The following NEO1 variants were observed in gnomAD, a reference collection of about 807,000 sequenced individuals.
NEO1 encodes neogenin.
In NEO1, 63 loss-of-function variants were observed where a neutral mutation model predicts 159.7. The ratio of observed to expected loss-of-function variants is 0.39; its 90% CI spans 0.32 to 0.49. The LOEUF (loss-of-function observed/expected upper bound fraction) is 0.49, where lower values mean the gene tolerates loss of function less well. Ranked by LOEUF, NEO1 falls within the 20% of genes least tolerant of loss-of-function variation. The probability of loss-of-function intolerance (pLI) is 0.85; values close to 1 mark genes in which losing one functional copy is unlikely to be tolerated. For missense variants in NEO1, 1,615 were observed against 1,831.0 expected, an observed-to-expected ratio of 0.88 and a Z score of 2.15; for synonymous variants, 633 against 662.0, an observed-to-expected ratio of 0.96 and a Z score of 0.67.
intron 27 of NEO1, among the ~76,000 whole-genome samples, chr15:73,298,904 A>T (rs941041451): frequency 1.3e-5 from 2 of 152,164 alleles, no homozygotes; most frequent in African/African-American, 4.8e-5. Flanking sequence ...ATGGCATGGG[A>T]ATGGATAGCA....
intron 7 of NEO1, among the ~76,000 whole-genome samples, chr15:73,233,127 CT>C (rs2038998480): frequency 6.6e-6 from 1 of 152,118 alleles, no homozygotes; most frequent in African/African-American, 2.4e-5. Context: ...TGTAACTTAA[CT>C]GCCTGTTTGA....
chr15:73,301,155 G>A (rs561080036), intron 27 of NEO1, among the ~76,000 whole-genome samples, 166 bp from the exon 28 acceptor site: 39 of 152,308 alleles, frequency 2.6e-4, no homozygotes, highest in Middle Eastern at 3.4e-3. Context: ...TGAATGCCCT[G>A]CTATCTCCCT....
chr15:73,292,973 A>C (rs2042214769), intron 25 of NEO1, among the ~76,000 whole-genome samples: 3 of 152,262 alleles, frequency 2.0e-5, no homozygotes, highest in African/African-American at 7.2e-5. Context: ...ACAAAATAGA[A>C]AATTTATGTG....
chr15:73,127,893 A>G (rs1327292422), intron 4 of NEO1, among the ~76,000 whole-genome samples: 1 of 152,234 alleles, frequency 6.6e-6, no homozygotes, highest in Non-Finnish European at 1.5e-5. Context: ...ACATGTGACT[A>G]GTGGCTATTG....
At chr15:73,086,406 C>T (rs1342696028) in intron 1 of NEO1, among the ~76,000 whole-genome samples, 1 of 151,972 alleles carries the variant, frequency 6.6e-6, no homozygotes, top group Non-Finnish European at 1.5e-5. Context: ...TTTAGCTATT[C>T]TACTTTCTTT....
At chr15:73,184,242 G>A (rs1335575825) in intron 7 of NEO1, among the ~76,000 whole-genome samples, 2 of 152,022 alleles carry the variant, frequency 1.3e-5, no homozygotes, top group African/African-American at 4.8e-5. Context: ...TGCAGCCTCC[G>A]CCTCCCGGGT....
chr15:73,083,583 C>T (rs1195486907), intron 1 of NEO1, among the ~76,000 whole-genome samples: 4 of 152,112 alleles, frequency 2.6e-5, no homozygotes, highest in African/African-American at 9.7e-5. Context: ...CACTCAGTCC[C>T]ATTTCCCTTG....
rs758166046 is a variant in NEO1 at position 73,270,148 on chromosome 15, C to T, written c.2633C>T (p.Ser878Leu). Residue 878 changes from serine (S) to leucine (L), a missense_variant, in exon 17 of 29, where the codon TCG becomes TTG. Transcript: ENST00000261908. ...ATCAGGATTACGTGGGCAGACAACTCGCTGCCCAAGCACCAGAAGATTACA... is the reference window on the plus strand; with the variant it reads ...ATCAGGATTACGTGGGCAGACAACTTGCTGCCCAAGCACCAGAAGATTACA... ...DTIRITWADN[S>L]LPKHQKITDS... The T allele has an allele frequency of 1.8e-5, 29 of 1,614,026 alleles. 1 individual carries two copies. Among genetic ancestry groups the T allele is most frequent in the South Asian group, 6.6e-5 (6 of 91,084 alleles).
At chr15:73,136,210 T>A (rs953892865) in intron 5 of NEO1, among the ~76,000 whole-genome samples, 183 bp downstream of exon 5, 2 of 152,162 alleles carry the variant, frequency 1.3e-5, no homozygotes, top group African/African-American at 4.8e-5. Flanking sequence ...TATAGGAAAC[T>A]TATTTAATTT....
At chr15:73,146,620 A>C (rs548111014) in intron 5 of NEO1, among the ~76,000 whole-genome samples, 1 of 152,282 alleles carries the variant, frequency 6.6e-6, no homozygotes, top group South Asian at 2.1e-4. Flanking sequence ...CCTAATAGTT[A>C]TGTAAATTTA....
At chr15:73,272,968 CAA>C (rs56162211) in intron 19 of NEO1, among the ~76,000 whole-genome samples, 1,124 of 86,586 alleles carry the variant, frequency 0.013, 5 homozygotes, top group Middle Eastern at 0.036. Context: ...CCTGAAGCCA[CAA>C]AAAAAAAAAA....
chr15:73,193,490 C>T (rs557100472), intron 7 of NEO1, among the ~76,000 whole-genome samples: 5 of 151,134 alleles, frequency 3.3e-5, no homozygotes, highest in African/African-American at 4.9e-5. Context: ...TTCTTTTTTC[C>T]GCTTATGTTC....
intron 1 of NEO1, among the ~76,000 whole-genome samples, chr15:73,091,871 C>G (rs1003585347): frequency 6.6e-6 from 1 of 151,864 alleles, no homozygotes; most frequent in Admixed American, 6.6e-5. Flanking sequence ...AAGTGATCCT[C>G]CCACCTCAGC....
chr15:73,301,756 G>C (rs781634306), intron 28 of NEO1, among the ~76,000 whole-genome samples: 1 of 151,580 alleles, frequency 6.6e-6, no homozygotes, highest in Non-Finnish European at 1.5e-5. Flanking sequence ...CAACGTCTGC[G>C]TCCTGGGTTC....
At chr15:73,263,279 C>T (rs1404729183) in intron 15 of NEO1, among the ~76,000 whole-genome samples, 1 of 151,230 alleles carries the variant, frequency 6.6e-6, no homozygotes, top group Non-Finnish European at 1.5e-5. Flanking sequence ...CTGCAACCTC[C>T]ACCTCCTGGG....
At chr15:73,261,437 A>G (rs1476791720) in intron 15 of NEO1, among the ~76,000 whole-genome samples, 1 of 152,146 alleles carries the variant, frequency 6.6e-6, no homozygotes, top group Non-Finnish European at 1.5e-5. Flanking sequence ...TAAGGAATCT[A>G]CAAAAAGGTC....
intron 14 of NEO1, 99 bp downstream of exon 14, chr15:73,258,975 A>C (rs987778907): frequency 2.7e-5 from 27 of 990,064 alleles, no homozygotes; most frequent in Non-Finnish European, 3.9e-5. Context: ...ATATGGCTCA[A>C]GTCTGTGAAC....
intron 1 of NEO1, among the ~76,000 whole-genome samples, chr15:73,065,764 T>C (rs1274994833): frequency 1.3e-5 from 2 of 152,200 alleles, no homozygotes; most frequent in Non-Finnish European, 2.9e-5. Flanking sequence ...AGTTCTTGGC[T>C]TGGCTGTTAA....
At chr15:73,239,636 A>G (rs551527910) in intron 8 of NEO1, among the ~76,000 whole-genome samples, 1 of 152,268 alleles carries the variant, frequency 6.6e-6, no homozygotes, top group East Asian at 1.9e-4. Context: ...GTACAGTAAC[A>G]TGCTGTGCAG....
Sources: gnomAD v4.1 joint callset for allele counts (sites outside exome capture counted in the v4.1 genomes callset) on GRCh38, gnomAD v4.1.1 for gene constraint, MANE v1.5 for transcripts, NCBI Gene and HGNC (gene_info 2026-07-23, HGNC 2026-07-21) for gene names.